Variants in TUSC3 observed in about 807,000 individuals in gnomAD.
TUSC3 encodes dolichyl-diphosphooligosaccharide--protein glycosyltransferase subunit TUSC3.
Under a neutral mutation model 44.8 loss-of-function variants are expected in TUSC3, and 45 were observed. The observed-to-expected ratio is 1.00, with a 90% CI of 0.79 to 1.29. The LOEUF is 1.29. Ranked by LOEUF, TUSC3 falls within the 50% of genes most tolerant of loss-of-function variation. The probability of loss-of-function intolerance (pLI) is 0.00; values close to 1 mark genes in which losing one functional copy is unlikely to be tolerated. For synonymous variants in TUSC3, 212 were observed against 152.9 expected (o/e 1.39, Z -2.85); for missense variants, 519 against 437.9 (o/e 1.19, Z -1.65).
At chr8:15,609,473 A>T (rs1443389221) in intron 1 of TUSC3, among the ~76,000 whole-genome samples, 1 of 152,124 alleles carries the variant, frequency 6.6e-6, no homozygotes. Flanking sequence ...TATATCTGGT[A>T]CTTGTTTTAA....
chr8:15,525,545 T>C (rs1198059166), intron 2 of TUSC3, among the ~76,000 whole-genome samples: 4 of 152,188 alleles, frequency 2.6e-5, no homozygotes, highest in Admixed American at 6.5e-5. Context: ...AAACAAAAGC[T>C]CTTTGGCTCC....
chr8:15,801,380 G>A, the TUSC3 span, among the ~76,000 whole-genome samples: 1 of 152,158 alleles, frequency 6.6e-6, no homozygotes, highest in South Asian at 2.1e-4. Flanking sequence ...ATCAATGTGT[G>A]GGGTGGCTGA....
intron 1 of TUSC3, among the ~76,000 whole-genome samples, chr8:15,469,789 A>G (rs567226022): frequency 6.6e-6 from 1 of 152,332 alleles, no homozygotes; most frequent in South Asian, 2.1e-4. Flanking sequence ...GTACATCCAG[A>G]TAATGGAATA....
chr8:15,436,114 G>T (rs1215508956), intron 1 of TUSC3, among the ~76,000 whole-genome samples: 3 of 152,138 alleles, frequency 2.0e-5, no homozygotes, highest in Non-Finnish European at 4.4e-5. Context: ...GGGGTCCTCA[G>T]TTCTTCTCAT....
At chr8:15,819,699 G>C in the TUSC3 span, among the ~76,000 whole-genome samples, 3 of 152,146 alleles carry the variant, frequency 2.0e-5, no homozygotes, top group Non-Finnish European at 4.4e-5. Context: ...CACTGAGTGC[G>C]ACTTGACTTA....
chr8:15,837,226 T>TA, the TUSC3 span, among the ~76,000 whole-genome samples: 342 of 145,836 alleles, frequency 2.3e-3, 1 homozygote, highest in African/African-American at 7.7e-3. Context: ...GTCTTTTTTT[T>TA]TAAAAAATCA....
At chr8:15,565,449 T>G (rs1802630395) in intron 1 of TUSC3, among the ~76,000 whole-genome samples, 1 of 152,130 alleles carries the variant, frequency 6.6e-6, no homozygotes, top group Admixed American at 6.5e-5. Flanking sequence ...TTTGGTGGGT[T>G]GGGAAGGTCC....
intron 2 of TUSC3, among the ~76,000 whole-genome samples, chr8:15,522,543 T>C (rs78480433): frequency 6.9e-6 from 1 of 145,158 alleles, no homozygotes; most frequent in Non-Finnish European, 1.5e-5. Flanking sequence ...TATTCAGCCT[T>C]TTTTTTTTTT....
intron 3 of TUSC3, among the ~76,000 whole-genome samples, chr8:15,652,186 G>A (rs1329935312): frequency 6.6e-6 from 1 of 152,054 alleles, no homozygotes; most frequent in Non-Finnish European, 1.5e-5. Context: ...TGATCTTTTC[G>A]GGTATCTTGG....
intron 1 of TUSC3, among the ~76,000 whole-genome samples, chr8:15,568,508 T>C (rs1802755534): frequency 6.6e-6 from 1 of 152,198 alleles, no homozygotes; most frequent in African/African-American, 2.4e-5. Context: ...GCTTATGTCA[T>C]TTGTGATTTA....
chr8:15,446,347 A>G (rs183169692), intron 1 of TUSC3, among the ~76,000 whole-genome samples: 36 of 152,144 alleles, frequency 2.4e-4, no homozygotes, highest in East Asian at 9.8e-4. Context: ...AGAGGCTGCA[A>G]TCTCGGCACT....
chr8:15,682,927 T>A (rs895921768), intron 6 of TUSC3, among the ~76,000 whole-genome samples: 10 of 152,134 alleles, frequency 6.6e-5, no homozygotes, highest in African/African-American at 2.4e-4. Flanking sequence ...TGGCATGAGA[T>A]GCAATTCTTG....
chr8:15,753,698 T>C (rs1364651647), intron 9 of TUSC3, among the ~76,000 whole-genome samples: 1 of 152,050 alleles, frequency 6.6e-6, no homozygotes, highest in Non-Finnish European at 1.5e-5. Flanking sequence ...TCAACTCTCT[T>C]GTGAATGATG....
chr8:15,528,146 C>A (rs983761309), intron 2 of TUSC3, among the ~76,000 whole-genome samples: 1 of 151,858 alleles, frequency 6.6e-6, no homozygotes, highest in African/African-American at 2.4e-5. Flanking sequence ...TTCAATTAAG[C>A]ACAATTTTGG....
At chr8:15,649,909 T>C (rs1363268437) in intron 2 of TUSC3, among the ~76,000 whole-genome samples, 1 of 152,200 alleles carries the variant, frequency 6.6e-6, no homozygotes, top group Non-Finnish European at 1.5e-5. Flanking sequence ...AGAAGCAATT[T>C]TATTTTTTAA....
intron 7 of TUSC3, among the ~76,000 whole-genome samples, chr8:15,739,638 T>C (rs944445853): frequency 4.6e-5 from 7 of 152,226 alleles, no homozygotes; most frequent in East Asian, 1.9e-4. Flanking sequence ...TTGTGAGTTA[T>C]TGCAAACTTA....
At chr8:15,848,126 T>TC in the TUSC3 span, among the ~76,000 whole-genome samples, 3 of 151,726 alleles carry the variant, frequency 2.0e-5, no homozygotes, top group South Asian at 2.1e-4. Flanking sequence ...TCCCCCTCCT[T>TC]CCCCCCGAGT....
chr8:15,777,881 G>T, the TUSC3 span, among the ~76,000 whole-genome samples: 1 of 152,068 alleles, frequency 6.6e-6, no homozygotes, highest in African/African-American at 2.4e-5. Flanking sequence ...TATGAAGTGT[G>T]TCAGTCCCTT....
chr8:15,638,675 G>T (rs1806210531), intron 2 of TUSC3, among the ~76,000 whole-genome samples: 1 of 151,704 alleles, frequency 6.6e-6, no homozygotes, highest in Admixed American at 6.6e-5. Flanking sequence ...ACAGACATGT[G>T]GTACCACGCC....
Sources: gnomAD v4.1 joint callset for allele counts (sites outside exome capture counted in the v4.1 genomes callset) on GRCh38, gnomAD v4.1.1 for gene constraint, MANE v1.5 for transcripts, NCBI Gene and HGNC (gene_info 2026-07-23, HGNC 2026-07-21) for gene names.